ZNF236: variants seen among roughly 807,000 people sequenced by gnomAD.
The protein encoded by ZNF236 is zinc finger protein 236, also known as regulated by glucose.
ZNF236 carries 50 observed loss-of-function variants against 191.2 expected under a neutral mutation model. The ratio of observed to expected loss-of-function variants is 0.26; its 90% CI spans 0.21 to 0.33. ZNF236 has a LOEUF of 0.33. ZNF236 is among the 10% of genes least tolerant of loss of function. ZNF236 has a pLI of 1.00. For synonymous variants in ZNF236, 907 were observed against 928.8 expected, an observed-to-expected ratio of 0.98 and a Z score of 0.43; for missense variants, 1,754 against 2,374.5, an observed-to-expected ratio of 0.74 and a Z score of 5.43.
In ZNF236 at chr18:76,937,326, C is replaced by G. The variant is rs1968029158; in HGVS notation, c.4765C>G (p.Leu1589Val). Residue 1589 changes from leucine (L) to valine (V), a missense_variant, in exon 26 of 31, where the codon CTC (leucine) becomes GTC (valine). Transcript: ENST00000320610. ...ATCTGGAGGCCTGGACACTGTCACA[C>G]TCAACATCACCTCTCAGGCAAGTGC... is the stretch of plus-strand genomic sequence containing the variant. ...MLSGGLDTVT[L>V]NITSQGQQFP... 1 of 1,611,910 alleles carries G rather than the reference C, an allele frequency of 6.2e-7. No homozygotes were observed. Among genetic ancestry groups the G allele is most frequent in the Non-Finnish European group, 8.5e-7 (1 of 1,178,526 alleles).
At position 76,868,757 on chromosome 18, in the gene ZNF236, C is replaced by T. The variant is rs749044189; in HGVS notation, c.436C>T (p.Arg146Cys). ...GCTGGCCGTGCACATGGAGGAGCAC[C>T]GCCAGGAGCTGGCTGGAACCCGGCA... is the stretch of plus-strand genomic sequence containing the variant. ...SQLAVHMEEHRQELAGTRQHA... is the reference protein window; with the variant it reads ...SQLAVHMEEHCQELAGTRQHA... The change falls in exon 4 of 31, where the codon CGC becomes TGC. Residue 146 changes from arginine (R) to cysteine (C), a missense_variant. By Grantham distance (180) the Arg-to-Cys change is radical. This residue lies in a region of ZNF236 where 336 missense variants were observed against 495.1 expected (regional missense o/e 0.68). Coordinates refer to ENST00000320610, the MANE Select transcript of ZNF236 (RefSeq NM_001306089.2). 1.4e-5 allele frequency: 22 copies of T among 1,613,780 alleles called. No individual in the cohort carries two copies. The highest frequency in any genetic ancestry group is 1.2e-4 in the African/African-American group (9 of 74,926).
chr18:76,947,129 T>G (rs1233163388), intron 26 of ZNF236, among the ~76,000 whole-genome samples: 4 of 152,208 alleles, frequency 2.6e-5, no homozygotes, highest in African/African-American at 7.2e-5. Flanking sequence ...CATAGAAATG[T>G]GATCATCCGT....
At chr18:76,856,430 G>A (rs11661189) in intron 3 of ZNF236, among the ~76,000 whole-genome samples, 22,849 of 152,016 alleles carry the variant, frequency 0.15, 2,223 homozygotes, top group Non-Finnish European at 0.22. Context: ...TGATCCACCC[G>A]CCTTGGCCTC....
chr18:76,877,986 T>G, intron 6 of ZNF236, 23 bp from the exon 7 acceptor site: 1 of 1,525,614 alleles, frequency 6.6e-7, no homozygotes, highest in Non-Finnish European at 8.9e-7. Context: ...AAAACATCAT[T>G]TTTTTCCTTT....
At chr18:76,834,505 C>T (rs1430709328) in intron 1 of ZNF236, 12 of 454,692 alleles carry the variant, frequency 2.6e-5, no homozygotes, top group African/African-American at 1.0e-4. Flanking sequence ...TTTGGCTTTC[C>T]GTTCAAGGAG....
rs140129217 is a variant in ZNF236 at position 76,912,321 on chromosome 18, C to T, written c.2883C>T (p.Asn961=). 462 of 1,614,156 alleles carry T rather than the reference C, an allele frequency of 2.9e-4. No homozygotes were observed. The highest frequency in any genetic ancestry group is 1.5e-3 in the Middle Eastern group (9 of 6,046). ...AAGGTTCCCAGTTTCTGGAGGACAA[C>T]GAGGACCAGAGCAGGCGCTCTTACA... ...QAQGSQFLED[N]EDQSRRSYRC... The change falls in exon 17 of 31, where the codon AAC becomes AAT. Residue 961 remains asparagine, a synonymous_variant. Transcript: ENST00000320610.
chr18:76,825,054 C>G (rs898485437), intron 1 of ZNF236, among the ~76,000 whole-genome samples: 1 of 152,242 alleles, frequency 6.6e-6, no homozygotes, highest in Non-Finnish European at 1.5e-5. Flanking sequence ...TTGATCGGGC[C>G]TTGTCTGACT....
In ZNF236 at chr18:76,956,116, T is replaced by C. The variant is rs1968517598; in HGVS notation, c.5046T>C (p.His1682=). 6.3e-6 allele frequency: 10 copies of C among 1,579,614 alleles called. No homozygotes were observed. The highest frequency in any genetic ancestry group is 8.6e-6 in the Non-Finnish European group (10 of 1,163,658). ...AVLMHHSKEV[H]GRERIHGCPV... Reference sequence around the variant, plus strand: ...TCATGCACCACAGCAAGGAGGTGCATGGCCGGGAGCGCATCCACGGCTGCC... The same window carrying C: ...TCATGCACCACAGCAAGGAGGTGCACGGCCGGGAGCGCATCCACGGCTGCC... Residue 1682 remains histidine, a synonymous_variant, in exon 28 of 31, where the codon CAT becomes CAC. Coordinates refer to ENST00000320610, the MANE Select transcript of ZNF236 (RefSeq NM_001306089.2).
chr18:76,960,660 T>C lies in ZNF236; in HGVS notation c.5243-19T>C, dbSNP rs757434659. The C allele has an allele frequency of 5.0e-6, 8 of 1,614,132 alleles. No homozygotes were observed. Among genetic ancestry groups the C allele is most frequent in the South Asian group, 1.1e-5 (1 of 91,084 alleles). On this transcript the variant is annotated intron_variant, in intron 29 of 30. Transcript: ENST00000320610. The surrounding 1 kb of genome is among the most constrained non-coding windows in gnomAD (Gnocchi z 4.4). ...TATACTTTTCTTAGAGACATTGACA[T>C]ATGCCATTTTCTGTACAGGGGAGCG...
chr18:76,916,631 C>T (rs1231354012), intron 19 of ZNF236, among the ~76,000 whole-genome samples: 2 of 152,172 alleles, frequency 1.3e-5, no homozygotes, highest in East Asian at 1.9e-4. Flanking sequence ...TATACAGTTA[C>T]GAATAGAGCA....
chr18:76,863,387 C>T (rs1976299276), intron 3 of ZNF236, among the ~76,000 whole-genome samples: 1 of 152,000 alleles, frequency 6.6e-6, no homozygotes, highest in Non-Finnish European at 1.5e-5. Flanking sequence ...CACACCAAGA[C>T]ATATCATAAT....
At chr18:76,936,322 G>A in intron 25 of ZNF236, 1 of 456,616 alleles carries the variant, frequency 2.2e-6, no homozygotes, top group Non-Finnish European at 4.4e-6. Context: ...GTGCGTGTGT[G>A]TGCCCATGTG....
In ZNF236 at chr18:76,927,342, G is replaced by C. The variant is rs1262909256; in HGVS notation, c.4239G>C (p.Gly1413=). The stretch of plus-strand genomic sequence containing the variant: ...ACCTATTGGCTCAGCAGCTCACGGG[G>C]GAGCCTGGCCTGGCCCCACAGAACA... ...QGNLLAQQLT[G]EPGLAPQNSS... is the part of the protein sequence containing the mutation. The change falls in exon 24 of 31, where the codon GGG becomes GGC. Residue 1413 remains glycine (G), a synonymous_variant. Transcript: ENST00000320610. This position sits in a 1 kb window ranked among gnomAD's most constrained non-coding sequence, Gnocchi z 5.4. 1.2e-6 allele frequency: 2 copies of C among 1,614,202 alleles called. No homozygotes were observed. Among genetic ancestry groups the C allele is most frequent in the Non-Finnish European group, 1.7e-6 (2 of 1,180,046 alleles).
Position 76,927,003 on chromosome 18 carries a change from T to C in ZNF236, c.4028-34T>C. 6.3e-7 allele frequency: 1 copy of C among 1,579,938 alleles called. No homozygotes were observed. Among genetic ancestry groups the C allele is most frequent in the Non-Finnish European group, 8.6e-7 (1 of 1,160,420 alleles). ...CTTTAGTTTTAAGAAGCATTCATAA[T>C]ATTTGATCATTCTCTTTCTCTTTCT... On this transcript the variant is annotated intron_variant, in intron 22 of 30. Coordinates refer to ENST00000320610, the MANE Select transcript of ZNF236 (RefSeq NM_001306089.2). The surrounding 1 kb of genome is among the most constrained non-coding windows in gnomAD (Gnocchi z 5.4).
intron 1 of ZNF236, among the ~76,000 whole-genome samples, chr18:76,837,414 T>A (rs1340231189): frequency 6.6e-6 from 1 of 150,954 alleles, no homozygotes; most frequent in Admixed American, 6.6e-5. Flanking sequence ...AAGGTCTGAA[T>A]TCCTTTTTTT....
chr18:76,868,579 C>A (rs1371428390), intron 3 of ZNF236, 106 bp from the exon 4 acceptor site: 10 of 893,756 alleles, frequency 1.1e-5, no homozygotes, highest in Non-Finnish European at 1.5e-5. Flanking sequence ...TTAGAGAGAC[C>A]AAGTAGTTTT....
At chr18:76,946,991 C>G (rs1465462212) in intron 26 of ZNF236, among the ~76,000 whole-genome samples, 1 of 152,132 alleles carries the variant, frequency 6.6e-6, no homozygotes, top group Non-Finnish European at 1.5e-5. Context: ...TTTCATCACC[C>G]CTTAAAGAAA....
chr18:76,951,020 T>G (rs1380635523), intron 27 of ZNF236, among the ~76,000 whole-genome samples: 1 of 152,254 alleles, frequency 6.6e-6, no homozygotes, highest in Non-Finnish European at 1.5e-5. Context: ...TTCTGACCAG[T>G]AGGTCTCAGC....
chr18:76,823,199 G>T (rs1185431399), intron 1 of ZNF236, among the ~76,000 whole-genome samples: 1 of 152,060 alleles, frequency 6.6e-6, no homozygotes, highest in Non-Finnish European at 1.5e-5. Flanking sequence ...GGAGCGCGGG[G>T]TCGTGCACAC....
Sources: allele counts gnomAD v4.1 joint callset (sites outside exome capture counted in the v4.1 genomes callset), GRCh38; gene constraint gnomAD v4.1.1; regional missense constraint gnomAD v4.1.1; non-coding constraint Gnocchi (gnomAD v3.1); transcripts MANE v1.5; gene names NCBI Gene and HGNC (gene_info 2026-07-23, HGNC 2026-07-21).